The following VAV2 variants were observed in gnomAD, a reference collection of about 807,000 sequenced individuals.
The protein encoded by VAV2 is guanine nucleotide exchange factor VAV2.
Under a neutral mutation model 132.5 loss-of-function variants are expected in VAV2, and 67 were observed. The ratio of observed to expected loss-of-function variants is 0.51; its 90% CI spans 0.42 to 0.62. The LOEUF (loss-of-function observed/expected upper bound fraction) is 0.62. Ranked by LOEUF, VAV2 falls within the 20% of genes least tolerant of loss-of-function variation. VAV2 has a pLI of 0.00. For synonymous variants in VAV2, 492 were observed against 443.5 expected (o/e 1.11, Z -1.37); for missense variants, 938 against 1,153.6 (o/e 0.81, Z 2.71).
At chr9:133,911,749 G>T (rs536253403) in intron 2 of VAV2, among the ~76,000 whole-genome samples, 158 of 152,310 alleles carry the variant, frequency 1.0e-3, no homozygotes, top group Non-Finnish European at 1.9e-3. Context: ...AAAAGTAAGC[G>T]CATTAAACAA....
At chr9:133,927,070 C>G (rs74380249) in intron 2 of VAV2, among the ~76,000 whole-genome samples, 6 of 151,510 alleles carry the variant, frequency 4.0e-5, no homozygotes, top group East Asian at 3.9e-4. Flanking sequence ...CAGGCTGAGT[C>G]CCCCCCTACA....
chr9:133,965,667 A>C (rs1251285579), intron 1 of VAV2, among the ~76,000 whole-genome samples: 1 of 152,224 alleles, frequency 6.6e-6, no homozygotes, highest in Non-Finnish European at 1.5e-5. Context: ...TCCCATGTTC[A>C]TGCATTCGAA....
rs1002601066 is a variant in VAV2, at chr9:133,927,000, G to A, written c.321+12103C>T. Among the ~76,000 whole-genome samples, 7 of 152,182 alleles carry A rather than the reference G, an allele frequency of 4.6e-5. No individual in the cohort carries two copies. The highest frequency in any genetic ancestry group is 1.7e-4 in the African/African-American group (7 of 41,432). ...CAATTCTGCAAACACCGGGCAGCCT[G>A]TCACAGACACCCGCAGCACTTCTGC... On this transcript the variant is annotated intron_variant, in intron 2 of 29. Transcript: ENST00000371850. This position sits in a 1 kb window ranked among gnomAD's most constrained non-coding sequence, Gnocchi z 4.3.
At position 133,807,308 on chromosome 9, in the gene VAV2, G is replaced by C. The variant is rs546008982; in HGVS notation, c.685C>G (p.Arg229Gly). ...DIEKNYMSPL[R>G]LVLSPADMAA... is the part of the protein sequence containing the mutation. Reference sequence around the variant, plus strand: ...ATGTCCGCCGGGCTCAGCACCAGCCGCAGGGGGCTCATGTAGTTCTGGAAG... The same window carrying C: ...ATGTCCGCCGGGCTCAGCACCAGCCCCAGGGGGCTCATGTAGTTCTGGAAG... The change falls in exon 8 of 30, where the codon CGG becomes GGG. Residue 229 changes from arginine to glycine, a missense_variant. Coordinates refer to ENST00000371850, the MANE Select transcript of VAV2 (RefSeq NM_001134398.2). 3.1e-6 allele frequency: 5 copies of C among 1,610,552 alleles called. No homozygotes were observed. In the East Asian group the frequency reaches 1.1e-4, roughly 36 times the overall value.
rs1442108248 is a variant in VAV2, at chr9:133,883,708, C to T, written c.322-22276G>A. On this transcript the variant is annotated intron_variant, in intron 2 of 29. Coordinates refer to ENST00000371850, the MANE Select transcript of VAV2 (RefSeq NM_001134398.2). This position sits in a 1 kb window ranked among gnomAD's most constrained non-coding sequence, Gnocchi z 4.2. ...AATGCCACCAGCAGCTTCTTGCATGCTTCCCATGACAGGGAGCTCACTACC... is the reference window on the plus strand; with the variant it reads ...AATGCCACCAGCAGCTTCTTGCATGTTTCCCATGACAGGGAGCTCACTACC... Among the ~76,000 whole-genome samples, 1 of 152,250 alleles carries T rather than the reference C, an allele frequency of 6.6e-6. No individual in the cohort carries two copies. Among genetic ancestry groups the T allele is most frequent in the Non-Finnish European group, 1.5e-5 (1 of 68,052 alleles).
At chr9:133,898,696 C>T (rs1839314237) in intron 2 of VAV2, among the ~76,000 whole-genome samples, 3 of 152,232 alleles carry the variant, frequency 2.0e-5, no homozygotes, top group East Asian at 3.9e-4. Context: ...ATGTGGTGCC[C>T]GGGGAAGCTT....
At chr9:133,864,988 A>G (rs1837743781) in intron 2 of VAV2, among the ~76,000 whole-genome samples, 1 of 152,196 alleles carries the variant, frequency 6.6e-6, no homozygotes, top group African/African-American at 2.4e-5. Flanking sequence ...CACCTGAGAA[A>G]CCTTTAGATC....
chr9:133,846,460 A>T (rs1164965922), intron 3 of VAV2, among the ~76,000 whole-genome samples: 3 of 152,180 alleles, frequency 2.0e-5, no homozygotes, highest in African/African-American at 7.2e-5. Flanking sequence ...AGGCAGGGCC[A>T]GAGGAAGGGT....
chr9:133,880,692 T>C (rs1333407624), intron 2 of VAV2, among the ~76,000 whole-genome samples: 2 of 152,210 alleles, frequency 1.3e-5, no homozygotes, highest in African/African-American at 4.8e-5. Context: ...CCACACTGGT[T>C]CATTCATTGT....
rs1334265829 is a variant in VAV2 at position 133,861,427 on chromosome 9, G to T, written c.327C>A (p.Ile109=). ...LFDVRDFGKV[I]SAVSRLSLHS... Reference sequence around the variant, plus strand: ...GCAGGGAGAGCCTCGACACCGCGGAGATGACCTGGGGGAGACAAGAAGAGA... The same window carrying T: ...GCAGGGAGAGCCTCGACACCGCGGATATGACCTGGGGGAGACAAGAAGAGA... Residue 109 remains isoleucine (I), a synonymous_variant, in exon 3 of 30, where the codon ATC becomes ATA. Transcript: ENST00000371850. 8 of 1,613,262 alleles carry T rather than the reference G, an allele frequency of 5.0e-6. No individual in the cohort carries two copies. The highest frequency in any genetic ancestry group is 6.8e-6 in the Non-Finnish European group (8 of 1,179,792).
chr9:133,838,855 GTGGGTGGGTGGGTGGATGGATAGA>G (rs1217697282), intron 3 of VAV2, among the ~76,000 whole-genome samples: 6 of 110,272 alleles, frequency 5.4e-5, no homozygotes, highest in Non-Finnish European at 8.5e-5. Context: ...GGATGAATGG[GTGGGTGGGTGGGTGGATGGATAGA>G]TGGGTGGGTG....
intron 18 of VAV2, 37 bp from the exon 19 acceptor site, chr9:133,783,628 G>C: frequency 6.2e-7 from 1 of 1,604,514 alleles, no homozygotes; most frequent in South Asian, 1.1e-5. Flanking sequence ...GTCGAGGCTG[G>C]GGTCGGCTCC....
intron 2 of VAV2, among the ~76,000 whole-genome samples, chr9:133,865,786 A>G (rs189566884): frequency 1.3e-5 from 2 of 152,324 alleles, no homozygotes; most frequent in Admixed American, 1.3e-4. Flanking sequence ...GTATAAACAC[A>G]CGTATATATT....
chr9:133,868,069 AATG>A (rs1837877612), intron 2 of VAV2, among the ~76,000 whole-genome samples: 1 of 152,208 alleles, frequency 6.6e-6, no homozygotes, highest in East Asian at 1.9e-4. Context: ...TGGCTTCTCC[AATG>A]ATTGTTAACT....
At chr9:133,772,738 G>C (rs1833673322) in intron 25 of VAV2, among the ~76,000 whole-genome samples, 1 of 152,094 alleles carries the variant, frequency 6.6e-6, no homozygotes. Context: ...CTCCCATACA[G>C]TCAGGCGGCG....
intron 1 of VAV2, among the ~76,000 whole-genome samples, chr9:133,984,744 CTAAAAA>C (rs1842798208): frequency 6.6e-6 from 1 of 152,042 alleles, no homozygotes; most frequent in Non-Finnish European, 1.5e-5. Context: ...CTTATCTCTC[CTAAAAA>C]TACAAACATT....
At chr9:133,980,331 T>C (rs1329251316) in intron 1 of VAV2, among the ~76,000 whole-genome samples, 1 of 152,150 alleles carries the variant, frequency 6.6e-6, no homozygotes, top group Non-Finnish European at 1.5e-5. Context: ...CCTTCATCCA[T>C]TAACCAGGGC....
At chr9:133,792,771 A>T (rs1298387911) in intron 12 of VAV2, among the ~76,000 whole-genome samples, 1 of 146,490 alleles carries the variant, frequency 6.8e-6, no homozygotes, top group Non-Finnish European at 1.5e-5. Context: ...TCGAGACAGG[A>T]GGGCTGAAAA....
intron 3 of VAV2, among the ~76,000 whole-genome samples, chr9:133,853,955 C>A (rs1453858846): frequency 6.6e-6 from 1 of 152,172 alleles, no homozygotes; most frequent in Non-Finnish European, 1.5e-5. Context: ...GAGCAAGATC[C>A]AGGCCTGCCG....
Sources: allele counts gnomAD v4.1 joint callset (sites outside exome capture counted in the v4.1 genomes callset), GRCh38; gene constraint gnomAD v4.1.1; non-coding constraint Gnocchi (gnomAD v3.1); transcripts MANE v1.5; gene names NCBI Gene and HGNC (gene_info 2026-07-23, HGNC 2026-07-21).